The following CEP350 variants were observed in gnomAD, a reference collection of about 807,000 sequenced individuals.
CEP350 encodes centrosomal protein 350.
Under a neutral mutation model 331.8 loss-of-function variants are expected in CEP350, and 126 were observed. That is an observed-to-expected ratio of 0.38 (90% CI 0.33 to 0.44). The LOEUF (loss-of-function observed/expected upper bound fraction) is 0.44, where lower values mean the gene tolerates loss of function less well. CEP350 is among the 20% of genes least tolerant of loss of function. The pLI is 1.00. For synonymous variants in CEP350, 1,200 were observed against 1,259.5 expected, an observed-to-expected ratio of 0.95 and a Z score of 1.00; for missense variants, 3,406 against 3,634.6, an observed-to-expected ratio of 0.94 and a Z score of 1.62.
intron 25 of CEP350, among the ~76,000 whole-genome samples, chr1:180,055,565 T>TC: frequency 6.8e-6 from 1 of 148,034 alleles, no homozygotes; most frequent in East Asian, 2.0e-4. Context: ...TTTTTTTTTT[T>TC]TTTTTGAGAC....
intron 22 of CEP350, among the ~76,000 whole-genome samples, chr1:180,049,542 C>A (rs1433762231): frequency 1.4e-5 from 2 of 140,278 alleles, no homozygotes; most frequent in East Asian, 4.0e-4. Context: ...CTTACTTACA[C>A]CTTTTTTTTT....
chr1:180,025,426 TA>T (rs1195303555), intron 14 of CEP350, among the ~76,000 whole-genome samples: 2 of 152,268 alleles, frequency 1.3e-5, no homozygotes, highest in Non-Finnish European at 2.9e-5. Flanking sequence ...TGGCATTCAG[TA>T]AATATTTTTG....
chr1:180,017,731 T>C (rs1484975728), intron 11 of CEP350, among the ~76,000 whole-genome samples: 1 of 152,220 alleles, frequency 6.6e-6, no homozygotes, highest in African/African-American at 2.4e-5. Flanking sequence ...TAAAAGCATG[T>C]TACTTTTTGC....
chr1:180,040,085 T>C (rs963207981), intron 17 of CEP350, among the ~76,000 whole-genome samples: 5 of 151,936 alleles, frequency 3.3e-5, no homozygotes, highest in African/African-American at 1.2e-4. Flanking sequence ...CGTCAGACAG[T>C]TCTTGGTGTG....
chr1:179,984,669 G>T (rs1279325126), intron 1 of CEP350, among the ~76,000 whole-genome samples: 2 of 152,158 alleles, frequency 1.3e-5, no homozygotes, highest in East Asian at 3.8e-4. Flanking sequence ...ACATTTTGAA[G>T]AAAGGAGTAT....
intron 6 of CEP350, among the ~76,000 whole-genome samples, chr1:179,999,222 T>G (rs1457094509): frequency 1.3e-5 from 2 of 152,298 alleles, no homozygotes; most frequent in Middle Eastern, 3.4e-3. Flanking sequence ...TCCATTTGAA[T>G]TCATATTTTG....
At chr1:180,088,955 G>A (rs1660016142) in intron 32 of CEP350, among the ~76,000 whole-genome samples, 1 of 152,162 alleles carries the variant, frequency 6.6e-6, no homozygotes, top group Non-Finnish European at 1.5e-5. Context: ...TCAACAATTA[G>A]ATATGTTTCC....
intron 14 of CEP350, 129 bp from the exon 15 acceptor site, chr1:180,031,191 A>G (rs1655999474): frequency 2.0e-6 from 1 of 510,640 alleles, no homozygotes; most frequent in Non-Finnish European, 3.4e-6. Flanking sequence ...GATTTTGAAT[A>G]TAGTATAAGT....
At chr1:179,999,727 A>G (rs770550750) in intron 6 of CEP350, among the ~76,000 whole-genome samples, 46 of 152,210 alleles carry the variant, frequency 3.0e-4, no homozygotes, top group Non-Finnish European at 5.0e-4. Flanking sequence ...ACTTTTGCAA[A>G]CATAAGCAAA....
At chr1:180,054,053 A>G (rs1657666691) in intron 24 of CEP350, 119 bp downstream of exon 24, 2 of 749,560 alleles carry the variant, frequency 2.7e-6, no homozygotes, top group Admixed American at 3.2e-5. Context: ...TTCTCAAGCT[A>G]GAAATAACGG....
At chr1:180,040,794 G>A (rs1656712685) in intron 17 of CEP350, among the ~76,000 whole-genome samples, 1 of 152,074 alleles carries the variant, frequency 6.6e-6, no homozygotes, top group South Asian at 2.1e-4. Flanking sequence ...TTGTGAGTTT[G>A]TGAGGCATTA....
chr1:180,019,726 A>G (rs1166136670), intron 11 of CEP350, among the ~76,000 whole-genome samples: 10 of 152,226 alleles, frequency 6.6e-5, no homozygotes, highest in Non-Finnish European at 1.0e-4. Flanking sequence ...CCACCAAAAC[A>G]TAATGTACAA....
chr1:180,000,884 A>G (rs566522289), intron 6 of CEP350: 2 of 152,370 alleles, frequency 1.3e-5, no homozygotes, highest in South Asian at 4.1e-4. Flanking sequence ...TGCAAAACTG[A>G]ACACTATGTT....
chr1:180,073,864 C>A lies in CEP350; in HGVS notation c.5568-1158C>A, dbSNP rs779898843. 2.1e-5 allele frequency: 28 copies of A among 1,304,676 alleles called. No individual in the cohort carries two copies. The South Asian group carries it at 3.1e-4, about 14-fold the overall frequency. 80.8% of individuals were successfully genotyped at this position (1,304,676 alleles called of 1,614,324 possible). ...CCTCTCTCAGTGTCTGTTTTCCCAA[C>A]CTTCATCCCAAATTCCAGCTGTATA... On this transcript the variant is annotated intron_variant, in intron 27 of 37. Coordinates refer to ENST00000367607, the MANE Select transcript of CEP350 (RefSeq NM_014810.5).
intron 1 of CEP350, among the ~76,000 whole-genome samples, chr1:179,975,807 G>C (rs1651820068): frequency 6.6e-6 from 1 of 152,138 alleles, no homozygotes; most frequent in Non-Finnish European, 1.5e-5. Flanking sequence ...CTTGCATCTA[G>C]AGCTCAGAAA....
In CEP350 at chr1:180,093,061, T is replaced by C. The variant is rs751780990; in HGVS notation, c.6956T>C (p.Ile2319Thr). The part of the protein sequence containing the change: ...NVQKDLVGLA[I>T]ENLHKSEEML... ...CAGAAAGACCTAGTTGGATTAGCTA[T>C]TGAAAATCTCCATAAAAGTGAGGAA... The change falls in exon 34 of 38, where the codon ATT becomes ACT. Residue 2319 changes from isoleucine (I) to threonine (T), a missense_variant. Ile to Thr is a moderately conservative substitution (Grantham distance 89, BLOSUM62 -1). Around this residue, in one of 5 missense-constraint regions of CEP350, gnomAD observed 1,415 missense variants for 1,512.3 expected, o/e 0.94. Coordinates refer to ENST00000367607, the MANE Select transcript of CEP350 (RefSeq NM_014810.5). 1.2e-6 allele frequency: 2 copies of C among 1,606,270 alleles called. No individual in the cohort carries two copies. The highest frequency in any genetic ancestry group is 1.7e-6 in the Non-Finnish European group (2 of 1,175,812).
At chr1:179,962,080 C>G (rs192095825) in intron 1 of CEP350, among the ~76,000 whole-genome samples, 1 of 152,142 alleles carries the variant, frequency 6.6e-6, no homozygotes, top group East Asian at 1.9e-4. Flanking sequence ...CTTGTGAGCT[C>G]AAGTGGTCTG....
intron 12 of CEP350, among the ~76,000 whole-genome samples, chr1:180,022,480 A>G (rs980010512): frequency 1.3e-5 from 2 of 152,178 alleles, no homozygotes; most frequent in African/African-American, 4.8e-5. Flanking sequence ...CTTTGGTTTC[A>G]TTATACTAGT....
chr1:180,045,859 C>T (rs2148937161), intron 21 of CEP350, among the ~76,000 whole-genome samples: 1 of 152,228 alleles, frequency 6.6e-6, no homozygotes, highest in East Asian at 1.9e-4. Context: ...ATAATTGAGC[C>T]TTTGGTCCAT....
Sources: allele counts gnomAD v4.1 joint callset (sites outside exome capture counted in the v4.1 genomes callset), GRCh38; gene constraint gnomAD v4.1.1; regional missense constraint gnomAD v4.1.1; transcripts MANE v1.5; gene names NCBI Gene and HGNC (gene_info 2026-07-23, HGNC 2026-07-21).